NXPE2: variants seen among roughly 807,000 people sequenced by gnomAD.
NXPE2 encodes NXPE family member 2.
Under a neutral mutation model 34.4 loss-of-function variants are expected in NXPE2, and 34 were observed. The observed-to-expected ratio is 0.99, with a 90% CI of 0.75 to 1.31. The LOEUF is 1.31. Among genes scored for constraint, NXPE2 ranks in the 40% most tolerant of loss-of-function variants. The pLI is 0.00. For missense variants in NXPE2, 649 were observed against 672.5 expected (o/e 0.97, Z 0.39); for synonymous variants, 235 against 231.3 (o/e 1.02, Z -0.15).
At chr11:114,639,792 A>T in the NXPE2 span, among the ~76,000 whole-genome samples, 1 of 124,566 alleles carries the variant, frequency 8.0e-6, no homozygotes, top group Non-Finnish European at 1.6e-5. Flanking sequence ...TATAATATAT[A>T]TTATATTAAA....
At chr11:114,497,089 G>A in the NXPE2 span, among the ~76,000 whole-genome samples, 5 of 152,022 alleles carry the variant, frequency 3.3e-5, no homozygotes, top group African/African-American at 1.2e-4. Context: ...CCAGAAGAGG[G>A]CGTTGTTATT....
the NXPE2 span, among the ~76,000 whole-genome samples, chr11:114,604,668 C>A: frequency 6.6e-6 from 1 of 152,064 alleles, no homozygotes; most frequent in Non-Finnish European, 1.5e-5. Flanking sequence ...ATAAATATTG[C>A]CTCGTGGGTA....
At chr11:114,541,183 A>G in the NXPE2 span, among the ~76,000 whole-genome samples, 3 of 152,158 alleles carry the variant, frequency 2.0e-5, no homozygotes, top group African/African-American at 7.2e-5. Flanking sequence ...TCTGAGGAGT[A>G]AAACGGAATC....
the NXPE2 span, chr11:114,526,776 A>G: frequency 6.6e-5 from 10 of 152,234 alleles, no homozygotes; most frequent in Non-Finnish European, 1.2e-4. Flanking sequence ...CTAACAAGGA[A>G]TAATTTTTTA....
chr11:114,807,499 C>A, the NXPE2 span, among the ~76,000 whole-genome samples: 5 of 151,844 alleles, frequency 3.3e-5, no homozygotes, highest in African/African-American at 1.2e-4. Context: ...GGAGGAAGAT[C>A]TACCAAGCAA....
rs978221397 is a variant in NXPE2, at chr11:114,695,827, C to T, written c.133-2218C>T. 6.6e-5 allele frequency among the ~76,000 whole-genome samples: 3 copies of T among 45,324 alleles called. No individual in the cohort carries two copies. In the East Asian group the frequency reaches 1.6e-3, roughly 24 times the overall value. The allele number at this position is 45,324 out of a possible 152,430, so 29.7% of individuals were successfully genotyped here. On this transcript the variant is annotated intron_variant, in intron 2 of 5. Coordinates refer to ENST00000389586, the MANE Select transcript of NXPE2 (RefSeq NM_182495.6). ...CCAACATGGTGAAAGAACGTCTCTA[C>T]TAAACACACACACACACACACACAC...
the NXPE2 span, among the ~76,000 whole-genome samples, chr11:114,632,139 A>G: frequency 8.3e-5 from 12 of 143,800 alleles, no homozygotes; most frequent in South Asian, 2.5e-3. Flanking sequence ...AATATATTAT[A>G]ATTTATTATG....
chr11:114,713,543 G>T, the NXPE2 span, among the ~76,000 whole-genome samples: 3 of 152,184 alleles, frequency 2.0e-5, no homozygotes, highest in Non-Finnish European at 4.4e-5. Context: ...GTATACATGG[G>T]TTTAACATCC....
At chr11:114,501,665 A>G in the NXPE2 span, among the ~76,000 whole-genome samples, 1 of 152,182 alleles carries the variant, frequency 6.6e-6, no homozygotes, top group Non-Finnish European at 1.5e-5. Context: ...TTCAGGGCTA[A>G]TGGATCAGAA....
chr11:114,541,668 G>A, the NXPE2 span, among the ~76,000 whole-genome samples: 1 of 152,046 alleles, frequency 6.6e-6, no homozygotes, highest in African/African-American at 2.4e-5. Flanking sequence ...AATTTGAAGT[G>A]GGGGGGATGG....
At chr11:114,660,573 T>A in the NXPE2 span, among the ~76,000 whole-genome samples, 1 of 151,888 alleles carries the variant, frequency 6.6e-6, no homozygotes, top group East Asian at 1.9e-4. Context: ...TTCTTCATAA[T>A]GAAAAGTTAT....
chr11:114,604,680 C>T, the NXPE2 span, among the ~76,000 whole-genome samples: 1 of 152,028 alleles, frequency 6.6e-6, no homozygotes, highest in Non-Finnish European at 1.5e-5. Flanking sequence ...TCGTGGGTAA[C>T]CACAGTTACC....
the NXPE2 span, chr11:114,530,226 C>T: frequency 1.9e-4 from 311 of 1,613,446 alleles, 3 homozygotes; most frequent in South Asian, 1.4e-3. Context: ...CTCTCTATTC[C>T]GGGTGGTCAT....
chr11:114,580,478 T>G, the NXPE2 span: 697 of 663,070 alleles, frequency 1.1e-3, 1 homozygote, highest in Non-Finnish European at 1.2e-3. Flanking sequence ...TGAAGTATTC[T>G]CTTAATGGAA....
At chr11:114,489,558 C>T in the NXPE2 span, among the ~76,000 whole-genome samples, 1 of 152,240 alleles carries the variant, frequency 6.6e-6, no homozygotes, top group African/African-American at 2.4e-5. Context: ...TCAACATATG[C>T]AAATCAATAA....
At chr11:114,625,736 G>C in the NXPE2 span, among the ~76,000 whole-genome samples, 1 of 152,156 alleles carries the variant, frequency 6.6e-6, no homozygotes, top group Non-Finnish European at 1.5e-5. Flanking sequence ...CAGAAGGCAG[G>C]TGATTTCTGC....
chr11:114,780,199 G>A, the NXPE2 span, among the ~76,000 whole-genome samples: 5 of 152,186 alleles, frequency 3.3e-5, no homozygotes, highest in South Asian at 8.3e-4. Context: ...GGGAGAGGCC[G>A]AGTCTCTTCA....
the NXPE2 span, chr11:114,580,336 C>T: frequency 1.2e-6 from 2 of 1,613,656 alleles, no homozygotes; most frequent in Non-Finnish European, 1.7e-6. Flanking sequence ...GCAACTGTTT[C>T]TTCTGCCAAA....
the NXPE2 span, among the ~76,000 whole-genome samples, chr11:114,537,253 A>C: frequency 5.9e-5 from 9 of 152,366 alleles, no homozygotes; most frequent in Non-Finnish European, 7.3e-5. Context: ...AAAACTCTCA[A>C]TAAATTAGGT....
Sources: allele counts gnomAD v4.1 joint callset (sites outside exome capture counted in the v4.1 genomes callset), GRCh38; gene constraint gnomAD v4.1.1; transcripts MANE v1.5; gene names NCBI Gene and HGNC (gene_info 2026-07-23, HGNC 2026-07-21).